The following GOLIM4 variants were observed in gnomAD, a reference collection of about 807,000 sequenced individuals.
GOLIM4 encodes golgi integral membrane protein 4, also known as 130 kDa golgi-localized phosphoprotein.
In GOLIM4, 71 loss-of-function variants were observed where a neutral mutation model predicts 107.4. That is an observed-to-expected ratio of 0.66 (90% CI 0.55 to 0.81). The LOEUF (loss-of-function observed/expected upper bound fraction) is 0.81, where lower values mean the gene tolerates loss of function less well. Ranked by LOEUF, GOLIM4 falls within the 30% of genes least tolerant of loss-of-function variation. The pLI is 0.00. For synonymous variants in GOLIM4, 327 were observed against 294.8 expected (o/e 1.11, Z -1.12); for missense variants, 830 against 826.1 (o/e 1.00, Z -0.06).
intron 12 of GOLIM4, among the ~76,000 whole-genome samples, chr3:168,025,373 T>C (rs550758354): frequency 6.6e-6 from 1 of 152,322 alleles, no homozygotes; most frequent in African/African-American, 2.4e-5. Flanking sequence ...CTGACACAAG[T>C]AATGTGAACA....
chr3:168,044,357 GT>G (rs975052378), intron 4 of GOLIM4, among the ~76,000 whole-genome samples: 1 of 152,168 alleles, frequency 6.6e-6, no homozygotes, highest in African/African-American at 2.4e-5. Context: ...AGAATAATGA[GT>G]TTTACTCAAG....
rs1489490798 is a variant in GOLIM4, at chr3:168,074,633, A to T, written c.187+20466T>A. ...CTTAATTTATATGTTACAAAGAATC[A>T]TCTTTGTAACCTACTGGGCTACTAT... is the stretch of plus-strand genomic sequence containing the variant. On this transcript the variant is annotated intron_variant, in intron 1 of 15. Transcript: ENST00000470487. Among the ~76,000 whole-genome samples, 4 of 152,218 alleles carry T rather than the reference A, an allele frequency of 2.6e-5. No homozygotes were observed. The East Asian group carries it at 5.8e-4, about 22-fold the overall frequency.
At chr3:168,023,513 G>A (rs917617681) in intron 14 of GOLIM4, among the ~76,000 whole-genome samples, 4 of 152,202 alleles carry the variant, frequency 2.6e-5, no homozygotes, top group African/African-American at 4.8e-5. Context: ...AGACCTAGTC[G>A]AGGGAACTGT....
At chr3:168,052,939 G>T (rs1719736589) in intron 1 of GOLIM4, among the ~76,000 whole-genome samples, 1 of 152,182 alleles carries the variant, frequency 6.6e-6, no homozygotes, top group Admixed American at 6.5e-5. Flanking sequence ...GATCTTTAAT[G>T]CAGAATAACA....
intron 1 of GOLIM4, among the ~76,000 whole-genome samples, chr3:168,070,931 C>A (rs186012685): frequency 5.1e-4 from 78 of 152,262 alleles, no homozygotes; most frequent in Admixed American, 8.5e-4. Context: ...CTCTAACTTG[C>A]TAAATCTATT....
intron 14 of GOLIM4, among the ~76,000 whole-genome samples, chr3:168,020,825 T>G (rs1253292380): frequency 1.3e-5 from 2 of 152,236 alleles, no homozygotes; most frequent in Non-Finnish European, 2.9e-5. Flanking sequence ...CAGTAATGCC[T>G]TTAAGTAATG....
Position 168,009,937 on chromosome 3 carries a change from G to C in GOLIM4, c.*332C>G. 5.5e-6 allele frequency: 1 copy of C among 182,450 alleles called. No individual in the cohort carries two copies. The highest frequency in any genetic ancestry group is 1.1e-5 in the Non-Finnish European group (1 of 88,776). 11.3% of individuals were successfully genotyped at this position (182,450 alleles called of 1,614,324 possible). On this transcript the variant is annotated 3_prime_UTR_variant, in exon 16 of 16. Transcript: ENST00000470487. ...GCAAACAAAGAACACCTGGGAACTG[G>C]AAGCCAGAAAGGTAACACGCTGAAA...
At position 168,033,606 on chromosome 3, in the gene GOLIM4, C is replaced by CAAAAAAAAAAAAAAA. The variant is rs61728774; in HGVS notation, c.844-769_844-755dup. Among the ~76,000 whole-genome samples, 4 of 31,306 alleles carry CAAAAAAAAAAAAAAA rather than the reference C, an allele frequency of 1.3e-4. 1 individual carries two copies. The highest frequency in any genetic ancestry group is 2.5e-4 in the Non-Finnish European group (4 of 16,228). The allele number at this position is 31,306 out of a possible 152,430, so 20.5% of individuals were successfully genotyped here. On this transcript the variant is annotated intron_variant, in intron 8 of 15. Transcript: ENST00000470487. ...TGGGCGACAGAGCAAGACTCCGTCT[C>CAAAAAAAAAAAAAAA]AAAAAAAAAAAAAAAAAAAAAAAAA...
At chr3:168,035,529 T>C (rs901579124) in intron 8 of GOLIM4, among the ~76,000 whole-genome samples, 1 of 152,194 alleles carries the variant, frequency 6.6e-6, no homozygotes, top group Non-Finnish European at 1.5e-5. Flanking sequence ...CCATCATCTG[T>C]AGCAAACCAA....
chr3:168,050,797 G>A (rs1193268866), intron 1 of GOLIM4, among the ~76,000 whole-genome samples: 2 of 149,244 alleles, frequency 1.3e-5, no homozygotes, highest in Non-Finnish European at 3.0e-5. Flanking sequence ...AGTATAGGCG[G>A]AAACAATTCT....
chr3:168,057,234 TGGAAC>T (rs1720028029), intron 1 of GOLIM4, among the ~76,000 whole-genome samples: 2 of 152,232 alleles, frequency 1.3e-5, no homozygotes, highest in Non-Finnish European at 2.9e-5. Flanking sequence ...CCCAGACTTG[TGGAAC>T]TGTAAGTCCA....
chr3:168,088,236 A>C (rs773523267), intron 1 of GOLIM4, among the ~76,000 whole-genome samples: 9 of 152,174 alleles, frequency 5.9e-5, no homozygotes, highest in Non-Finnish European at 1.3e-4. Context: ...AGAATATCTT[A>C]ATCAAAAAGT....
intron 1 of GOLIM4, among the ~76,000 whole-genome samples, chr3:168,069,682 T>C (rs1010443382): frequency 2.0e-5 from 3 of 152,362 alleles, no homozygotes; most frequent in African/African-American, 7.2e-5. Context: ...GCTGCTTTGA[T>C]GTTCTGTCTT....
At chr3:168,031,185 C>G (rs1472015142) in intron 9 of GOLIM4, among the ~76,000 whole-genome samples, 2 of 151,998 alleles carry the variant, frequency 1.3e-5, no homozygotes, top group Non-Finnish European at 2.9e-5. Flanking sequence ...TTACTAGAAG[C>G]TGGGAAGGGG....
chr3:168,023,800 G>C (rs970845219), intron 14 of GOLIM4, among the ~76,000 whole-genome samples: 2 of 152,254 alleles, frequency 1.3e-5, no homozygotes, highest in South Asian at 4.1e-4. Flanking sequence ...TGATAAAACG[G>C]CTACAACAAG....
At chr3:168,018,684 G>A (rs1011540455) in intron 14 of GOLIM4, among the ~76,000 whole-genome samples, 9 of 152,092 alleles carry the variant, frequency 5.9e-5, no homozygotes, top group Non-Finnish European at 8.8e-5. Context: ...ACTTACTTCA[G>A]GCCTATCTTA....
chr3:168,048,778 G>C (rs1391180930), intron 1 of GOLIM4, among the ~76,000 whole-genome samples: 2 of 152,148 alleles, frequency 1.3e-5, no homozygotes, highest in African/African-American at 4.8e-5. Context: ...TCTGACTCTA[G>C]AAGGGTATTT....
intron 1 of GOLIM4, among the ~76,000 whole-genome samples, chr3:168,075,453 C>A (rs973953709): frequency 6.6e-6 from 1 of 151,268 alleles, no homozygotes; most frequent in Admixed American, 6.6e-5. Flanking sequence ...CCCGCCACTA[C>A]GCCCGGCTAA....
intron 8 of GOLIM4, 113 bp from the exon 9 acceptor site, chr3:168,032,965 G>T: frequency 1.3e-6 from 1 of 769,106 alleles, no homozygotes; most frequent in Non-Finnish European, 2.1e-6. Context: ...AAGGTGTCTA[G>T]AAATATATAT....
Sources: allele counts gnomAD v4.1 joint callset (sites outside exome capture counted in the v4.1 genomes callset), GRCh38; gene constraint gnomAD v4.1.1; transcripts MANE v1.5; gene names NCBI Gene and HGNC (gene_info 2026-07-23, HGNC 2026-07-21).